Variants in CNKSR3 observed in about 807,000 individuals in gnomAD.
CNKSR3 encodes CNKSR family member 3, also known as connector enhancer of kinase suppressor of ras 3.
A neutral mutation model predicts 67.7 loss-of-function variants in CNKSR3; 36 were observed. The ratio of observed to expected loss-of-function variants is 0.53; its 90% confidence interval spans 0.41 to 0.70. The LOEUF (loss-of-function observed/expected upper bound fraction) is 0.70, where lower values mean the gene tolerates loss of function less well. CNKSR3 is among the 30% of genes least tolerant of loss of function. The pLI, the probability that CNKSR3 is intolerant of heterozygous loss-of-function variation, is 0.00. For synonymous variants in CNKSR3, 281 were observed against 271.4 expected, an observed-to-expected ratio of 1.04 and a Z score of -0.35; for missense variants, 630 against 695.2, an observed-to-expected ratio of 0.91 and a Z score of 1.05.
At chr6:154,483,565 A>C (rs1402572173) in intron 1 of CNKSR3, among the ~76,000 whole-genome samples, 2 of 152,016 alleles carry the variant, frequency 1.3e-5, no homozygotes, top group Non-Finnish European at 2.9e-5. Context: ...AAAAAAAACG[A>C]AACAAAACAA....
At chr6:154,449,530 G>C (rs1461589882) in intron 2 of CNKSR3, among the ~76,000 whole-genome samples, 1 of 152,174 alleles carries the variant, frequency 6.6e-6, no homozygotes, top group African/African-American at 2.4e-5. Flanking sequence ...TTGCTACGTT[G>C]CCCAGGCTGG....
rs1356972211 is a variant in CNKSR3, at chr6:154,450,077, G to A, written c.216+18C>T. On this transcript the variant is annotated intron_variant, in intron 2 of 12. Coordinates refer to ENST00000607772, the MANE Select transcript of CNKSR3 (RefSeq NM_173515.4). ...AAAGAACGTCATCACGGTACAGACCGTCTTTTCCTGAACTAACCAGTGCAC... is the reference window on the plus strand; with the variant it reads ...AAAGAACGTCATCACGGTACAGACCATCTTTTCCTGAACTAACCAGTGCAC... 5 of 1,611,520 alleles carry A rather than the reference G, an allele frequency of 3.1e-6. No individual in the cohort carries two copies. Among genetic ancestry groups the A allele is most frequent in the African/African-American group, 2.7e-5 (2 of 74,800 alleles).
intron 1 of CNKSR3, among the ~76,000 whole-genome samples, chr6:154,467,838 C>A (rs1167513832): frequency 6.6e-6 from 1 of 151,752 alleles, no homozygotes; most frequent in Non-Finnish European, 1.5e-5. Flanking sequence ...CGGCTCACTG[C>A]AACCTCCGCC....
chr6:154,424,389 T>G (rs1785212829), intron 7 of CNKSR3, among the ~76,000 whole-genome samples: 1 of 152,196 alleles, frequency 6.6e-6, no homozygotes, highest in Non-Finnish European at 1.5e-5. Flanking sequence ...GAAGAAAAGA[T>G]AAACCTTGGA....
At chr6:154,460,730 A>T (rs902596140) in intron 1 of CNKSR3, among the ~76,000 whole-genome samples, 1 of 152,226 alleles carries the variant, frequency 6.6e-6, no homozygotes, top group African/African-American at 2.4e-5. Flanking sequence ...GATTTGGTCT[A>T]AAAACCAAAC....
intron 1 of CNKSR3, among the ~76,000 whole-genome samples, chr6:154,477,927 C>T (rs1437413960): frequency 6.6e-6 from 1 of 152,166 alleles, no homozygotes; most frequent in Non-Finnish European, 1.5e-5. Flanking sequence ...CATCACTCAC[C>T]GCCAGGCACC....
chr6:154,497,832 T>C (rs1236023425), intron 1 of CNKSR3, among the ~76,000 whole-genome samples: 1 of 152,222 alleles, frequency 6.6e-6, no homozygotes, highest in Non-Finnish European at 1.5e-5. Context: ...TTGCTTCATT[T>C]CCCGATGCAG....
intron 6 of CNKSR3, among the ~76,000 whole-genome samples, chr6:154,430,177 A>G (rs540871692): frequency 6.6e-6 from 1 of 152,342 alleles, no homozygotes; most frequent in East Asian, 1.9e-4. Flanking sequence ...CCCAGAGACC[A>G]TCTTTCCTTT....
chr6:154,425,415 G>C (rs1168424259), intron 7 of CNKSR3, among the ~76,000 whole-genome samples: 6 of 152,226 alleles, frequency 3.9e-5, no homozygotes, highest in African/African-American at 1.2e-4. Context: ...CTGGTAAAGA[G>C]AGAGCTTGGT....
At chr6:154,442,647 A>ACAC (rs1235214006) in intron 2 of CNKSR3, among the ~76,000 whole-genome samples, 8 of 151,752 alleles carry the variant, frequency 5.3e-5, no homozygotes, top group Non-Finnish European at 1.0e-4. Context: ...CAATAAACAA[A>ACAC]CACCAATATT....
intron 1 of CNKSR3, among the ~76,000 whole-genome samples, chr6:154,485,101 GT>G (rs1199058341): frequency 6.6e-6 from 1 of 151,986 alleles, no homozygotes; most frequent in African/African-American, 2.4e-5. Context: ...CAACTTTTAA[GT>G]TCAAAGTACA....
chr6:154,441,445 T>C (rs1006260752), intron 3 of CNKSR3, 66 bp from the exon 4 acceptor site: 4 of 1,183,682 alleles, frequency 3.4e-6, no homozygotes, highest in Non-Finnish European at 2.5e-6. Flanking sequence ...CACTGGATGT[T>C]GGTAAGCATA....
At chr6:154,504,149 A>C (rs1406445754) in intron 1 of CNKSR3, among the ~76,000 whole-genome samples, 1 of 152,214 alleles carries the variant, frequency 6.6e-6, no homozygotes, top group Non-Finnish European at 1.5e-5. Context: ...CTGCAAGCCC[A>C]GGTACTATTT....
intron 9 of CNKSR3, among the ~76,000 whole-genome samples, chr6:154,421,862 C>A (rs1291973937): frequency 1.3e-5 from 2 of 152,022 alleles, no homozygotes; most frequent in Non-Finnish European, 1.5e-5. Context: ...AAGGAACTTT[C>A]TGCAATAATG....
At chr6:154,477,342 G>GC (rs1786473274) in intron 1 of CNKSR3, among the ~76,000 whole-genome samples, 1 of 151,722 alleles carries the variant, frequency 6.6e-6, no homozygotes, top group African/African-American at 2.4e-5. Flanking sequence ...TTATTTTTGA[G>GC]CAGAGTGACC....
intron 1 of CNKSR3, among the ~76,000 whole-genome samples, chr6:154,487,210 T>C (rs1786692788): frequency 6.6e-6 from 1 of 152,230 alleles, no homozygotes; most frequent in Non-Finnish European, 1.5e-5. Context: ...GTATCCTTGT[T>C]TGATTTGAGA....
At chr6:154,487,620 G>A (rs542880244) in intron 1 of CNKSR3, among the ~76,000 whole-genome samples, 1 of 152,220 alleles carries the variant, frequency 6.6e-6, no homozygotes, top group Non-Finnish European at 1.5e-5. Context: ...GAGACAGGAA[G>A]AGACTGTGAA....
At chr6:154,443,703 G>C (rs1044535295) in intron 2 of CNKSR3, among the ~76,000 whole-genome samples, 8 of 152,064 alleles carry the variant, frequency 5.3e-5, no homozygotes, top group Non-Finnish European at 1.0e-4. Flanking sequence ...CACTAAGCGT[G>C]ATCTCCTGAG....
intron 1 of CNKSR3, among the ~76,000 whole-genome samples, chr6:154,451,495 GCAT>G (rs1562338989): frequency 4.4e-4 from 8 of 18,176 alleles, no homozygotes; most frequent in South Asian, 3.6e-3. Context: ...ACGCACACAC[GCAT>G]ACATGCACAC....
Sources: gnomAD v4.1 joint callset for allele counts (sites outside exome capture counted in the v4.1 genomes callset) on GRCh38, gnomAD v4.1.1 for gene constraint, MANE v1.5 for transcripts, NCBI Gene and HGNC (gene_info 2026-07-23, HGNC 2026-07-21) for gene names.